Variants in TSPEAR observed in about 807,000 individuals in gnomAD.
TSPEAR encodes thrombospondin-type laminin G domain and EAR repeat-containing protein.
Under a neutral mutation model 71.6 loss-of-function variants are expected in TSPEAR, and 69 were observed. The ratio of observed to expected loss-of-function variants is 0.96; its 90% CI spans 0.79 to 1.18. The LOEUF (loss-of-function observed/expected upper bound fraction) is 1.18. TSPEAR is among the 50% of genes most tolerant of loss of function. The pLI, the probability that TSPEAR is intolerant of heterozygous loss-of-function variation, is 0.00. For missense variants in TSPEAR, 971 were observed against 894.9 expected (o/e 1.09, Z -1.09); for synonymous variants, 402 against 387.2 (o/e 1.04, Z -0.45).
intron 2 of TSPEAR, among the ~76,000 whole-genome samples, chr21:44,562,926 A>T (rs1260695670): frequency 2.6e-5 from 4 of 152,218 alleles, no homozygotes; most frequent in Non-Finnish European, 5.9e-5. Flanking sequence ...ACAGAAAAAC[A>T]AAACAGCAGT....
intron 1 of TSPEAR, chr21:44,580,475 G>T (rs370129643): frequency 2.5e-6 from 4 of 1,613,292 alleles, no homozygotes; most frequent in Non-Finnish European, 3.4e-6. Context: ...GGTCAGGCAG[G>T]GGGCGGTGCC....
chr21:44,703,347 G>C (rs1987749333), intron 1 of TSPEAR, among the ~76,000 whole-genome samples: 1 of 152,258 alleles, frequency 6.6e-6, no homozygotes, highest in South Asian at 2.1e-4. Flanking sequence ...GGGTGACCCT[G>C]CTGCAAATCC....
chr21:44,671,576 A>G (rs1555945926), intron 1 of TSPEAR, among the ~76,000 whole-genome samples: 2 of 152,238 alleles, frequency 1.3e-5, no homozygotes, highest in Non-Finnish European at 1.5e-5. Context: ...TGAGGAAATC[A>G]CAAACACTAG....
At chr21:44,596,179 G>A (rs1291752315) in intron 1 of TSPEAR, among the ~76,000 whole-genome samples, 1 of 152,240 alleles carries the variant, frequency 6.6e-6, no homozygotes, top group East Asian at 1.9e-4. Flanking sequence ...GTCACCAGCT[G>A]TCAACTGGAG....
chr21:44,665,046 G>A (rs1345673645), intron 1 of TSPEAR, among the ~76,000 whole-genome samples: 10 of 152,310 alleles, frequency 6.6e-5, no homozygotes, highest in Middle Eastern at 3.4e-3. Context: ...GTGTGTGCAC[G>A]TTGTATAGTG....
At chr21:44,575,601 A>G (rs782072784) in intron 1 of TSPEAR, among the ~76,000 whole-genome samples, 15 of 152,196 alleles carry the variant, frequency 9.9e-5, no homozygotes, top group Non-Finnish European at 1.5e-4. Flanking sequence ...TAGTCGTGTC[A>G]TAGTTCTTTT....
intron 1 of TSPEAR, among the ~76,000 whole-genome samples, chr21:44,605,925 C>A (rs587616086): frequency 6.6e-6 from 1 of 152,044 alleles, no homozygotes; most frequent in African/African-American, 2.4e-5. Context: ...CAAAAGCACA[C>A]CTAACAAAAT....
intron 2 of TSPEAR, chr21:44,539,634 A>T: frequency 1.2e-6 from 2 of 1,613,558 alleles, no homozygotes; most frequent in Non-Finnish European, 1.7e-6. Flanking sequence ...GAGGTGCAGC[A>T]AGCTGGATGG....
intron 1 of TSPEAR, among the ~76,000 whole-genome samples, chr21:44,615,975 G>T (rs1234735372): frequency 6.6e-6 from 1 of 152,220 alleles, no homozygotes; most frequent in Non-Finnish European, 1.5e-5. Context: ...CAAAGCCACT[G>T]TCAGGAGGTG....
chr21:44,682,723 C>G (rs9637188), intron 1 of TSPEAR, among the ~76,000 whole-genome samples: 21,506 of 152,210 alleles, frequency 0.14, 1,623 homozygotes, highest in South Asian at 0.16. Context: ...TTTCCCAGCT[C>G]TCTGCTGGGG....
chr21:44,551,048 C>T, intron 2 of TSPEAR: 1 of 1,610,698 alleles, frequency 6.2e-7, no homozygotes, highest in South Asian at 1.1e-5. Context: ...GGCAGGACTG[C>T]TGGCAGGAGG....
At chr21:44,587,755 A>G (rs401727) in intron 1 of TSPEAR, among the ~76,000 whole-genome samples, 143,514 of 152,236 alleles carry the variant, frequency 0.94, 67,812 homozygotes, top group Non-Finnish European at 0.97. Context: ...GACAAAGCAA[A>G]CAAAAACATA....
At chr21:44,551,039 G>A (rs782653408) in intron 2 of TSPEAR, 1 of 1,612,130 alleles carries the variant, frequency 6.2e-7, no homozygotes, top group Admixed American at 1.7e-5. Context: ...CAGGCACACG[G>A]CAGGACTGCT....
intron 11 of TSPEAR, among the ~76,000 whole-genome samples, chr21:44,502,255 G>C (rs2052046661): frequency 6.6e-6 from 1 of 152,202 alleles, no homozygotes; most frequent in African/African-American, 2.4e-5. Flanking sequence ...AGCAAGGTGG[G>C]ACAGCTGCCA....
At chr21:44,708,771 C>A (rs1569272722) in intron 1 of TSPEAR, among the ~76,000 whole-genome samples, 1 of 152,216 alleles carries the variant, frequency 6.6e-6, no homozygotes, top group Non-Finnish European at 1.5e-5. Flanking sequence ...AGGGCAGGCA[C>A]AGCCCGCGGG....
intron 1 of TSPEAR, among the ~76,000 whole-genome samples, chr21:44,626,962 C>A (rs898063894): frequency 6.6e-5 from 10 of 152,104 alleles, no homozygotes; most frequent in African/African-American, 2.2e-4. Context: ...GTGAGCTGGG[C>A]AATGTCACCA....
intron 2 of TSPEAR, among the ~76,000 whole-genome samples, chr21:44,540,956 C>T (rs1049272905): frequency 5.9e-5 from 9 of 152,060 alleles, no homozygotes; most frequent in Non-Finnish European, 1.2e-4. Context: ...ACTCAAGTCC[C>T]GTTATCAATA....
At chr21:44,592,897 G>A (rs765614063) in intron 1 of TSPEAR, among the ~76,000 whole-genome samples, 22 of 152,150 alleles carry the variant, frequency 1.4e-4, no homozygotes, top group African/African-American at 2.9e-4. Context: ...CCCCATCACC[G>A]GACACAGGAC....
At chr21:44,628,216 C>G in intron 1 of TSPEAR, 1 of 644,146 alleles carries the variant, frequency 1.6e-6, no homozygotes, top group South Asian at 2.0e-5. Context: ...CCCTGACCTC[C>G]CCCCCGGGCA....
Sources: gnomAD v4.1 joint callset for allele counts (sites outside exome capture counted in the v4.1 genomes callset) on GRCh38, gnomAD v4.1.1 for gene constraint, MANE v1.5 for transcripts, NCBI Gene and HGNC (gene_info 2026-07-23, HGNC 2026-07-21) for gene names.